Variants in MDN1 observed in about 807,000 individuals in gnomAD.
MDN1 encodes midasin.
MDN1 carries 266 observed loss-of-function variants against 669.2 expected under a neutral mutation model. That is an observed-to-expected ratio of 0.40 (90% confidence interval 0.36 to 0.44). The LOEUF (loss-of-function observed/expected upper bound fraction) is 0.44, where lower values mean the gene tolerates loss of function less well. MDN1 is among the 20% of genes least tolerant of loss of function. The pLI is 1.00. For missense variants in MDN1, 5,940 were observed against 6,754.0 expected, an observed-to-expected ratio of 0.88 and a Z score of 4.22; for synonymous variants, 2,385 against 2,457.1, an observed-to-expected ratio of 0.97 and a Z score of 0.87.
Position 89,674,202 on chromosome 6 carries a change from T to C in MDN1, c.13149A>G (p.Ser4383=), listed in dbSNP as rs1355430057. 1 of 1,614,114 alleles carries C rather than the reference T, an allele frequency of 6.2e-7. No homozygotes were observed. The highest frequency in any genetic ancestry group is 8.5e-7 in the Non-Finnish European group (1 of 1,180,060). Residue 4383 remains serine, a synonymous_variant, in exon 79 of 102, where the codon TCA becomes TCG. Transcript: ENST00000369393. ...TTAGCATCTCTGTTAATCTCGTAGT[T>C]GACTGTTGCCAAAGGTGATCCTGTT... The part of the protein sequence containing the change: ...MRKQDHLWQQ[S]TTRLTEMLKT...
At chr6:89,768,290 G>A (rs1313770556) in intron 15 of MDN1, among the ~76,000 whole-genome samples, 1 of 152,048 alleles carries the variant, frequency 6.6e-6, no homozygotes, top group African/African-American at 2.4e-5. Flanking sequence ...ATGGGGGTGG[G>A]TCTTTCCCAT....
intron 61 of MDN1, 99 bp from the exon 62 acceptor site, chr6:89,694,282 A>ACCCAGATTCCT: frequency 9.9e-7 from 1 of 1,012,198 alleles, no homozygotes; most frequent in Non-Finnish European, 1.5e-6. Context: ...GATGGAAGGA[A>ACCCAGATTCCT]TCTGGGTTCC....
intron 11 of MDN1, among the ~76,000 whole-genome samples, chr6:89,779,825 G>T (rs1450820135): frequency 6.6e-6 from 1 of 152,134 alleles, no homozygotes; most frequent in Non-Finnish European, 1.5e-5. Flanking sequence ...CAGCACTCTG[G>T]GAGGCCGACG....
intron 84 of MDN1, among the ~76,000 whole-genome samples, chr6:89,666,105 A>G (rs1198772508): frequency 1.3e-5 from 2 of 152,224 alleles, no homozygotes; most frequent in African/African-American, 2.4e-5. Context: ...AAGCCTCTCA[A>G]AGAATGACTA....
Position 89,756,380 on chromosome 6 carries a change from G to T in MDN1, c.2713C>A (p.Leu905Ile), listed in dbSNP as rs764848502. ...TTGCTTTCTAATTCTTCTACATAAA[G>T]TTCTGTGAACCTGTAAAACAATACA... is the stretch of plus-strand genomic sequence containing the variant. ...PPGIRNRFTE[L>I]YVEELESKED... Residue 905 changes from leucine to isoleucine, a missense_variant, in exon 20 of 102, where the codon CTT becomes ATT. Transcript: ENST00000369393. 3.2e-6 allele frequency: 5 copies of T among 1,539,448 alleles called. No homozygotes were observed. The highest frequency in any genetic ancestry group is 1.7e-4 in the Middle Eastern group (1 of 5,918).
intron 40 of MDN1, among the ~76,000 whole-genome samples, chr6:89,722,187 G>A (rs1814874028): frequency 6.6e-6 from 1 of 152,176 alleles, no homozygotes; most frequent in Admixed American, 6.5e-5. Context: ...GGGAATTCTA[G>A]TTTTACAAAC....
At chr6:89,694,215 G>A in intron 61 of MDN1, 32 bp from the exon 62 acceptor site, 3 of 1,556,646 alleles carry the variant, frequency 1.9e-6, no homozygotes, top group East Asian at 2.2e-5. Context: ...AGTCCACTGT[G>A]TCCCAGCTAT....
intron 15 of MDN1, among the ~76,000 whole-genome samples, chr6:89,767,741 A>G (rs1456143660): frequency 6.6e-6 from 1 of 151,608 alleles, no homozygotes; most frequent in Non-Finnish European, 1.5e-5. Context: ...GGACAACAAG[A>G]GCAAAACTCT....
rs1321794290 is a variant in MDN1 at position 89,643,606 on chromosome 6, T to G, written c.*399A>C. On this transcript the variant is annotated 3_prime_UTR_variant, in exon 102 of 102. Transcript: ENST00000369393. ...CTTAGAACAGGGTCAAAAGGGCAGC[T>G]CCCTTTAGTCCTTTATACAAAGGAC... 1 of 160,196 alleles carries G rather than the reference T, an allele frequency of 6.2e-6. No individual in the cohort carries two copies. Among genetic ancestry groups the G allele is most frequent in the East Asian group, 1.8e-4 (1 of 5,434 alleles). 9.9% of individuals were successfully genotyped at this position (160,196 alleles called of 1,614,324 possible). A position where few individuals can be genotyped will look rare whatever the true frequency, so the allele number is the denominator to read the frequency against.
At chr6:89,703,264 C>A (rs999744632) in intron 53 of MDN1, among the ~76,000 whole-genome samples, 1 of 151,304 alleles carries the variant, frequency 6.6e-6, no homozygotes, top group Non-Finnish European at 1.5e-5. Flanking sequence ...ATATAAACAT[C>A]TAATTCTTCC....
Position 89,819,696 on chromosome 6 carries a change from GC to G in MDN1, c.-90del. The G allele has an allele frequency of 9.4e-7, 1 of 1,061,680 alleles. No homozygotes were observed. The highest frequency in any genetic ancestry group is 1.4e-6 in the Non-Finnish European group (1 of 697,156). The allele number at this position is 1,061,680 out of a possible 1,614,324, so 65.8% of individuals were successfully genotyped here. ...CCGCCGAGGTCCCAGTGCCCGAGCA[GC>G]CAGCAACTACGCCCGCAGGAAAGGC... On this transcript the variant is annotated 5_prime_UTR_variant, in exon 1 of 102. Transcript: ENST00000369393.
chr6:89,645,123 C>T lies in MDN1; in HGVS notation c.16494G>A (p.Gly5498=), dbSNP rs747108146. 6.2e-7 allele frequency: 1 copy of T among 1,610,564 alleles called. No homozygotes were observed. Among genetic ancestry groups the T allele is most frequent in the East Asian group, 2.2e-5 (1 of 44,794 alleles). Residue 5498 remains glycine (G), a synonymous_variant, in exon 101 of 102, where the codon GGG becomes GGA. Transcript: ENST00000369393. ...CTTTGCCCTCAAGGAAAAGGCCTCG[C>T]CCATCAGAGACTACCAGGAGGAGTT... ...TAQLLLVVSD[G]RGLFLEGKER... is the part of the protein sequence containing the mutation.
chr6:89,776,555 T>C lies in MDN1; in HGVS notation c.1821+45A>G, dbSNP rs1321398149. On this transcript the variant is annotated intron_variant, in intron 12 of 101. Coordinates refer to ENST00000369393, the MANE Select transcript of MDN1 (RefSeq NM_014611.3). ...GACCAGCAAGCAAGCAAGCAAAAAA[T>C]CCTAGCCTCCTTTCAACAGGGAAGT... The C allele has an allele frequency of 2.0e-6, 3 of 1,473,814 alleles. No individual in the cohort carries two copies. The African/African-American group carries it at 4.2e-5, about 21-fold the overall frequency. 91.3% of individuals were successfully genotyped at this position (1,473,814 alleles called of 1,614,324 possible).
intron 2 of MDN1, among the ~76,000 whole-genome samples, chr6:89,796,592 A>G (rs1819622967): frequency 6.6e-6 from 1 of 152,140 alleles, no homozygotes; most frequent in African/African-American, 2.4e-5. Context: ...AGGCTCATCA[A>G]TGTTAACAAA....
chr6:89,770,059 C>T (rs1380575780), intron 15 of MDN1, among the ~76,000 whole-genome samples: 1 of 152,084 alleles, frequency 6.6e-6, no homozygotes, highest in Non-Finnish European at 1.5e-5. Flanking sequence ...GATCACACCA[C>T]TGCACTCCAG....
chr6:89,662,342 A>G (rs1809853868), intron 86 of MDN1, 103 bp from the exon 87 acceptor site: 8 of 1,184,772 alleles, frequency 6.8e-6, no homozygotes, highest in Non-Finnish European at 9.3e-6. Flanking sequence ...TATTGGACCT[A>G]TCCCATGGAT....
In MDN1 at chr6:89,700,145, A is replaced by G. The variant is rs190863663; in HGVS notation, c.8788T>C (p.Leu2930=). Residue 2930 remains leucine (L), a synonymous_variant, in exon 57 of 102, where the codon TTG becomes CTG. Coordinates refer to ENST00000369393, the MANE Select transcript of MDN1 (RefSeq NM_014611.3). The part of the protein sequence containing the change: ...SVIHLTRSVQ[L]WPAMEYLAML... The stretch of plus-strand genomic sequence containing the variant: ...GCCAGGTACTCCATTGCAGGCCACA[A>G]CTGAACACTCCTGGTGAGGTGGATT... The G allele has an allele frequency of 9.9e-6, 16 of 1,614,202 alleles. No individual in the cohort carries two copies. The Middle Eastern group carries it at 4.9e-4, about 50-fold the overall frequency.
At chr6:89,685,718 T>C in intron 70 of MDN1, 109 bp downstream of exon 70, 1 of 1,164,930 alleles carries the variant, frequency 8.6e-7, no homozygotes, top group Non-Finnish European at 1.2e-6. Context: ...ACTAAATGTG[T>C]CTTGTTTAAA....
intron 21 of MDN1, among the ~76,000 whole-genome samples, 171 bp downstream of exon 21, chr6:89,753,912 T>C (rs1260053710): frequency 6.6e-6 from 1 of 152,060 alleles, no homozygotes. Context: ...AATTTTAAAA[T>C]AAAAAGTAAA....
Sources: allele counts gnomAD v4.1 joint callset (sites outside exome capture counted in the v4.1 genomes callset), GRCh38; gene constraint gnomAD v4.1.1; transcripts MANE v1.5; gene names NCBI Gene and HGNC (gene_info 2026-07-23, HGNC 2026-07-21).